Variants in STS observed in about 807,000 individuals in gnomAD.
STS encodes steroid sulfatase.
In STS, 7 loss-of-function variants were observed where a neutral mutation model predicts 26.8. The observed-to-expected ratio is 0.26, with a 90% confidence interval of 0.15 to 0.49. STS has a LOEUF of 0.49. Ranked by LOEUF, STS falls within the 20% of genes least tolerant of loss-of-function variation. The probability of loss-of-function intolerance (pLI) is 0.98; values close to 1 mark genes in which losing one functional copy is unlikely to be tolerated. For synonymous variants in STS, 199 were observed against 189.4 expected, an observed-to-expected ratio of 1.05 and a Z score of -0.42; for missense variants, 434 against 465.6, an observed-to-expected ratio of 0.93 and a Z score of 0.63.
chrX:7,341,043 T>C (rs1267197342), intron 10 of STS, among the ~76,000 whole-genome samples: 1 of 111,198 alleles, frequency 9.0e-6, no homozygotes, highest in Non-Finnish European at 1.9e-5. Context: ...TGTGGGAGGC[T>C]GGCGGATCAG....
intron 7 of STS, among the ~76,000 whole-genome samples, chrX:7,302,814 A>G (rs1182875673): frequency 9.0e-6 from 1 of 111,214 alleles, no homozygotes; most frequent in East Asian, 2.8e-4. Flanking sequence ...TACCTGCTGG[A>G]TAGGATGTAT....
chrX:7,299,009 T>C (rs374206596), intron 7 of STS, among the ~76,000 whole-genome samples: 1 of 70,299 alleles, frequency 1.4e-5, no homozygotes, highest in Non-Finnish European at 2.7e-5. Context: ...ATTATATATT[T>C]ATATATATAT....
chrX:7,219,786 C>A, intron 2 of STS: 1 of 944,251 alleles, frequency 1.1e-6, no homozygotes, highest in Non-Finnish European at 1.5e-6. Flanking sequence ...CATATTCTCC[C>A]AACATGTGTT....
At chrX:7,332,654 C>G (rs111650053) in intron 9 of STS, among the ~76,000 whole-genome samples, 2 of 111,144 alleles carry the variant, frequency 1.8e-5, no homozygotes, top group African/African-American at 6.5e-5. Flanking sequence ...CTTACTTCTT[C>G]CTTCCTTTCA....
At chrX:7,212,714 G>A (rs1415470928) in intron 2 of STS, among the ~76,000 whole-genome samples, 1 of 111,473 alleles carries the variant, frequency 9.0e-6, no homozygotes, top group Non-Finnish European at 1.9e-5. Context: ...TCCTTTCAAG[G>A]TAATTGATGA....
intron 9 of STS, among the ~76,000 whole-genome samples, chrX:7,326,655 C>T (rs754355775): frequency 3.6e-5 from 4 of 112,400 alleles, no homozygotes; most frequent in Non-Finnish European, 5.6e-5. Flanking sequence ...GTGTTATTAC[C>T]AATCTGAAGA....
chrX:7,202,622 T>C (rs1296089535), intron 2 of STS, among the ~76,000 whole-genome samples: 1 of 111,488 alleles, frequency 9.0e-6, no homozygotes, highest in Non-Finnish European at 1.9e-5. Context: ...GGGTGCCAAG[T>C]TGATGATGGG....
At chrX:7,252,582 C>G (rs1050742825) in intron 2 of STS, among the ~76,000 whole-genome samples, 3 of 111,689 alleles carry the variant, frequency 2.7e-5, no homozygotes, top group Non-Finnish European at 5.6e-5. Context: ...AAGAAGGGGT[C>G]TAACTCAAAG....
intron 1 of STS, among the ~76,000 whole-genome samples, chrX:7,165,447 G>C (rs751551039): frequency 1.8e-5 from 2 of 110,665 alleles, no homozygotes; most frequent in Non-Finnish European, 3.8e-5. Flanking sequence ...CCAGGAGTTC[G>C]AGGCCAGCCT....
At chrX:7,234,037 C>T in intron 2 of STS, among the ~76,000 whole-genome samples, 1 of 112,102 alleles carries the variant, frequency 8.9e-6, no homozygotes, top group South Asian at 3.7e-4. Flanking sequence ...TCTCCTCAAA[C>T]TTGTGTGTAT....
intron 7 of STS, among the ~76,000 whole-genome samples, chrX:7,279,377 G>A (rs868148251): frequency 1.8e-4 from 13 of 72,014 alleles, no homozygotes; most frequent in African/African-American, 4.8e-4. Context: ...GTGTGTGTGT[G>A]TATATATATG....
At chrX:7,295,287 A>G (rs1396653739) in intron 7 of STS, among the ~76,000 whole-genome samples, 1 of 111,747 alleles carries the variant, frequency 8.9e-6, no homozygotes, top group African/African-American at 3.3e-5. Flanking sequence ...CTAGTGGAAC[A>G]TTCCTCCTCC....
chrX:7,277,214 G>T (rs1407742183), intron 7 of STS, among the ~76,000 whole-genome samples: 1 of 112,095 alleles, frequency 8.9e-6, no homozygotes, highest in Non-Finnish European at 1.9e-5. Flanking sequence ...AGATCATTTT[G>T]TCCATATTCC....
At chrX:7,180,262 G>A (rs145256330) in intron 1 of STS, among the ~76,000 whole-genome samples, 1,436 of 111,398 alleles carry the variant, frequency 0.013, 15 homozygotes, top group Non-Finnish European at 0.015. Flanking sequence ...GCAACTAGAC[G>A]ATCCCATCGG....
chrX:7,239,773 G>T (rs1342970520), intron 2 of STS, among the ~76,000 whole-genome samples: 1 of 110,886 alleles, frequency 9.0e-6, no homozygotes, highest in Non-Finnish European at 1.9e-5. Context: ...TCAGTTTTTT[G>T]AAACCTCTTT....
At chrX:7,290,534 C>T (rs1925364296) in intron 7 of STS, among the ~76,000 whole-genome samples, 1 of 112,011 alleles carries the variant, frequency 8.9e-6, no homozygotes, top group South Asian at 3.7e-4. Context: ...AGTAACTAGT[C>T]TCAGCAAGCT....
intron 10 of STS, among the ~76,000 whole-genome samples, chrX:7,349,061 G>A (rs989032402): frequency 1.7e-4 from 18 of 104,646 alleles, no homozygotes; most frequent in African/African-American, 3.8e-4. Context: ...AGCTCACTGC[G>A]GTTTCAACTG....
At chrX:7,177,028 T>C (rs1933584168) in intron 1 of STS, among the ~76,000 whole-genome samples, 1 of 111,893 alleles carries the variant, frequency 8.9e-6, no homozygotes, top group Admixed American at 9.5e-5. Context: ...CATTTTTCTT[T>C]AAAAACTTAC....
At chrX:7,308,088 GCCCCTAA>G (rs1926303026) in intron 8 of STS, among the ~76,000 whole-genome samples, 1 of 112,168 alleles carries the variant, frequency 8.9e-6, no homozygotes, top group South Asian at 3.7e-4. Flanking sequence ...AGTCCAGCAG[GCCCCTAA>G]GAGGGGTCCC....
Sources: gnomAD v4.1 joint callset for allele counts (sites outside exome capture counted in the v4.1 genomes callset) on GRCh38, gnomAD v4.1.1 for gene constraint, MANE v1.5 for transcripts, NCBI Gene and HGNC (gene_info 2026-07-23, HGNC 2026-07-21) for gene names.